The following PTPRG variants were observed in gnomAD, a reference collection of about 807,000 sequenced individuals.
PTPRG encodes receptor-type tyrosine-protein phosphatase gamma.
Under a neutral mutation model 165.3 loss-of-function variants are expected in PTPRG, and 102 were observed. The ratio of observed to expected loss-of-function variants is 0.62; its 90% CI spans 0.53 to 0.73. The LOEUF (loss-of-function observed/expected upper bound fraction) is 0.73, where lower values mean the gene tolerates loss of function less well. Among genes scored for constraint, PTPRG ranks in the 30% least tolerant of loss-of-function variants. PTPRG has a pLI of 0.00. For synonymous variants in PTPRG, 675 were observed against 669.5 expected, an observed-to-expected ratio of 1.01 and a Z score of -0.13; for missense variants, 1,866 against 1,861.4, an observed-to-expected ratio of 1.00 and a Z score of -0.05.
intron 2 of PTPRG, among the ~76,000 whole-genome samples, chr3:61,920,562 A>C (rs1355564983): frequency 6.6e-6 from 1 of 152,130 alleles, no homozygotes; most frequent in South Asian, 2.1e-4. Flanking sequence ...CCCCCAGCTA[A>C]TTTTTGTATT....
chr3:62,218,878 G>T lies in PTPRG; in HGVS notation c.2183G>T (p.Ser728Ile). Residue 728 changes from serine to isoleucine, a missense_variant, in exon 13 of 30, where the codon AGC (serine) becomes ATC (isoleucine). Physicochemically the swap from Ser to Ile is moderately radical, Grantham distance 142. This residue lies in a region of PTPRG where 1,452 missense variants were observed against 1,463.0 expected (regional missense o/e 0.99). Coordinates refer to ENST00000474889, the MANE Select transcript of PTPRG (RefSeq NM_002841.4). ...GAAAAAAACACCTCTGGAATGATAA[G>T]CCGCCCTGCTCCAGGGAGGATGGAG... ...PAEKNTSGMI[S>I]RPAPGRMEWI... The T allele has an allele frequency of 1.2e-6, 2 of 1,613,870 alleles. No homozygotes were observed. The highest frequency in any genetic ancestry group is 8.5e-7 in the Non-Finnish European group (1 of 1,179,862).
At chr3:61,995,047 T>G (rs1009351350) in intron 3 of PTPRG, among the ~76,000 whole-genome samples, 1 of 123,524 alleles carries the variant, frequency 8.1e-6, no homozygotes, top group Non-Finnish European at 1.8e-5. Context: ...ACCTTACAGG[T>G]TTTTTTTTTC....
chr3:61,711,488 T>C (rs1414739109), intron 1 of PTPRG, among the ~76,000 whole-genome samples: 3 of 152,236 alleles, frequency 2.0e-5, no homozygotes, highest in Non-Finnish European at 4.4e-5. Flanking sequence ...TGGTATCTCA[T>C]TGTGGTTTTG....
intron 2 of PTPRG, among the ~76,000 whole-genome samples, chr3:61,978,008 C>T (rs554354566): frequency 6.6e-6 from 1 of 152,296 alleles, no homozygotes; most frequent in Non-Finnish European, 1.5e-5. Context: ...CCTGCCACCA[C>T]ACTCAACTAA....
At chr3:61,761,381 A>G (rs926367167) in intron 2 of PTPRG, among the ~76,000 whole-genome samples, 4 of 152,188 alleles carry the variant, frequency 2.6e-5, no homozygotes, top group Non-Finnish European at 5.9e-5. Context: ...GTTCAAAACA[A>G]GCCTGGCCAA....
At chr3:62,020,328 A>G (rs767634192) in intron 4 of PTPRG, among the ~76,000 whole-genome samples, 6 of 152,226 alleles carry the variant, frequency 3.9e-5, no homozygotes, top group Non-Finnish European at 8.8e-5. Flanking sequence ...ATTCAAGAAA[A>G]AAAACCAGAA....
At chr3:61,904,026 G>A (rs2038573786) in intron 2 of PTPRG, among the ~76,000 whole-genome samples, 1 of 152,144 alleles carries the variant, frequency 6.6e-6, no homozygotes, top group African/African-American at 2.4e-5. Context: ...TCTGTAAATA[G>A]TCTCTTTCAC....
chr3:62,287,041 C>A (rs1318314502), intron 28 of PTPRG, among the ~76,000 whole-genome samples: 1 of 151,980 alleles, frequency 6.6e-6, no homozygotes, highest in Non-Finnish European at 1.5e-5. Flanking sequence ...CTTATTTAAC[C>A]GTGGCTAAAT....
intron 8 of PTPRG, among the ~76,000 whole-genome samples, chr3:62,171,790 C>G (rs575495614): frequency 1.3e-5 from 2 of 151,942 alleles, no homozygotes; most frequent in African/African-American, 4.8e-5. Flanking sequence ...GTGTTTTTTA[C>G]TGTAGTCACA....
intron 1 of PTPRG, among the ~76,000 whole-genome samples, chr3:61,661,534 A>G (rs1702668568): frequency 6.6e-6 from 1 of 152,152 alleles, no homozygotes; most frequent in African/African-American, 2.4e-5. Context: ...TTAGTGAATG[A>G]CTGTACCTAC....
chr3:62,191,724 C>T lies in PTPRG; in HGVS notation c.1218+71C>T, dbSNP rs1250264273. 28 of 1,439,820 alleles carry T rather than the reference C, an allele frequency of 1.9e-5. No individual in the cohort carries two copies. Among genetic ancestry groups the T allele is most frequent in the Admixed American group, 3.6e-5 (2 of 54,980 alleles). The allele number at this position is 1,439,820 out of a possible 1,614,324, so 89.2% of individuals were successfully genotyped here. ...ACTCCTGCTGCAGCTCTCTGCCAGG[C>T]ACTGCACAGTGTGCCAGCTCTGTGT... On this transcript the variant is annotated intron_variant, in intron 9 of 29. Coordinates refer to ENST00000474889, the MANE Select transcript of PTPRG (RefSeq NM_002841.4).
Position 62,073,704 on chromosome 3 carries a change from C to G in PTPRG, c.520-4459C>G, listed in dbSNP as rs145948772. Among the ~76,000 whole-genome samples, 6 of 152,308 alleles carry G rather than the reference C, an allele frequency of 3.9e-5. No individual in the cohort carries two copies. The East Asian group carries it at 1.2e-3, about 30-fold the overall frequency. On this transcript the variant is annotated intron_variant, in intron 4 of 29. Coordinates refer to ENST00000474889, the MANE Select transcript of PTPRG (RefSeq NM_002841.4). ...CCATGTTGGCCAGGCTGGTCTCAAA[C>G]TCCTGACCTCAAGTGATCCATCCAC...
intron 2 of PTPRG, among the ~76,000 whole-genome samples, chr3:61,943,534 C>T (rs7645703): frequency 0.3 from 45,666 of 152,036 alleles, 7,428 homozygotes; most frequent in East Asian, 0.51. Flanking sequence ...GCCAAGATCG[C>T]GCCACTGCAC....
intron 6 of PTPRG, among the ~76,000 whole-genome samples, chr3:62,152,041 C>T (rs1308631514): frequency 6.6e-6 from 1 of 152,172 alleles, no homozygotes; most frequent in Admixed American, 6.5e-5. Flanking sequence ...AGCTCTAGCA[C>T]TTCTCCCCAT....
At chr3:61,914,148 T>C (rs1187249181) in intron 2 of PTPRG, among the ~76,000 whole-genome samples, 3 of 152,222 alleles carry the variant, frequency 2.0e-5, no homozygotes, top group Non-Finnish European at 4.4e-5. Flanking sequence ...ACTGATGTCA[T>C]GATTAGGTCA....
intron 5 of PTPRG, among the ~76,000 whole-genome samples, chr3:62,122,024 G>A (rs1703093397): frequency 6.6e-6 from 1 of 152,146 alleles, no homozygotes. Context: ...ATTAATCTAT[G>A]TCCTCCTCGA....
intron 2 of PTPRG, among the ~76,000 whole-genome samples, chr3:61,888,233 G>A (rs921024669): frequency 4.6e-5 from 7 of 151,784 alleles, no homozygotes; most frequent in Admixed American, 6.6e-5. Flanking sequence ...CTGTCTGTCC[G>A]TCTGTGTGTA....
intron 2 of PTPRG, among the ~76,000 whole-genome samples, chr3:61,841,093 A>G (rs1223609527): frequency 1.3e-5 from 2 of 152,256 alleles, no homozygotes; most frequent in East Asian, 1.9e-4. Flanking sequence ...ATAGGTAGCT[A>G]TCTTAATAAT....
chr3:62,133,655 G>A (rs1703599123), intron 6 of PTPRG, among the ~76,000 whole-genome samples: 1 of 152,124 alleles, frequency 6.6e-6, no homozygotes, highest in South Asian at 2.1e-4. Flanking sequence ...TAGAAAAATA[G>A]GGTTACTGAA....
Sources: gnomAD v4.1 joint callset for allele counts (sites outside exome capture counted in the v4.1 genomes callset) on GRCh38, gnomAD v4.1.1 for gene constraint, gnomAD v4.1.1 regional missense constraint, MANE v1.5 for transcripts, NCBI Gene and HGNC (gene_info 2026-07-23, HGNC 2026-07-21) for gene names.